PDE1A: variants seen among roughly 807,000 people sequenced by gnomAD.
PDE1A encodes the protein dual specificity calcium/calmodulin-dependent 3',5'-cyclic nucleotide phosphodiesterase 1A.
In PDE1A, 35 loss-of-function variants were observed where a neutral mutation model predicts 61.7. The ratio of observed to expected loss-of-function variants is 0.57; its 90% confidence interval spans 0.43 to 0.75. PDE1A has a LOEUF of 0.75. Among genes scored for constraint, PDE1A ranks in the 30% least tolerant of loss-of-function variants. The probability of loss-of-function intolerance (pLI) is 0.00; values close to 1 mark genes in which losing one functional copy is unlikely to be tolerated. For missense variants in PDE1A, 597 were observed against 630.6 expected, an observed-to-expected ratio of 0.95 and a Z score of 0.57; for synonymous variants, 232 against 213.2, an observed-to-expected ratio of 1.09 and a Z score of -0.77.
At chr2:182,169,940 TCTCC>T (rs1193155007) in intron 13 of PDE1A, among the ~76,000 whole-genome samples, 2,132 of 83,500 alleles carry the variant, frequency 0.026, 31 homozygotes, top group South Asian at 0.1. Flanking sequence ...ACACACACAC[TCTCC>T]CTCTCTCTCT....
At chr2:182,376,848 G>T (rs1036711003) in intron 1 of PDE1A, among the ~76,000 whole-genome samples, 1 of 152,158 alleles carries the variant, frequency 6.6e-6, no homozygotes, top group African/African-American at 2.4e-5. Flanking sequence ...ACATCTTATT[G>T]GATGGCAGCA....
At chr2:182,526,782 A>G (rs1690778948), upstream of PDE1A, among the ~76,000 whole-genome samples, 2 of 152,236 alleles carry the variant, frequency 1.3e-5, no homozygotes, top group South Asian at 4.1e-4. Flanking sequence ...ATTCTTACAG[A>G]TAAATCTAGT....
chr2:182,228,992 T>A (rs908562006), intron 6 of PDE1A, among the ~76,000 whole-genome samples: 52 of 152,284 alleles, frequency 3.4e-4, no homozygotes, highest in African/African-American at 1.2e-3. Context: ...TCCCTAGTCT[T>A]ACAGAGAAGT....
chr2:182,550,827 T>A, the PDE1A span, among the ~76,000 whole-genome samples: 1 of 152,108 alleles, frequency 6.6e-6, no homozygotes, highest in Non-Finnish European at 1.5e-5. Flanking sequence ...GAGTCTCCTG[T>A]TGGATCTTCT....
chr2:182,390,875 A>C (rs1343923194), intron 1 of PDE1A, among the ~76,000 whole-genome samples: 1 of 152,208 alleles, frequency 6.6e-6, no homozygotes, highest in Non-Finnish European at 1.5e-5. Flanking sequence ...TGAGGAGAAC[A>C]ACCATGCACT....
intron 1 of PDE1A, among the ~76,000 whole-genome samples, chr2:182,341,914 C>T (rs1698210056): frequency 6.6e-6 from 1 of 152,080 alleles, no homozygotes; most frequent in African/African-American, 2.4e-5. Context: ...CACGCCACCA[C>T]ACCCAGCTAC....
At chr2:182,580,890 A>G in the PDE1A span, among the ~76,000 whole-genome samples, 37 of 152,186 alleles carry the variant, frequency 2.4e-4, no homozygotes, top group African/African-American at 7.9e-4. Flanking sequence ...ATTATTCCAC[A>G]TAAATTACAT....
intron 3 of PDE1A, among the ~76,000 whole-genome samples, chr2:182,237,919 G>T (rs1432769222): frequency 6.6e-6 from 1 of 152,130 alleles, no homozygotes; most frequent in African/African-American, 2.4e-5. Context: ...AGCAGAAAGG[G>T]ACCTAACCAG....
At chr2:182,605,989 T>C in the PDE1A span, among the ~76,000 whole-genome samples, 1 of 152,188 alleles carries the variant, frequency 6.6e-6, no homozygotes, top group African/African-American at 2.4e-5. Flanking sequence ...TTCAGACTTA[T>C]CTCCTGTGAC....
At chr2:182,444,963 G>A (rs931618124) in intron 2 of PDE1A, among the ~76,000 whole-genome samples, 3 of 152,006 alleles carry the variant, frequency 2.0e-5, no homozygotes, top group Non-Finnish European at 4.4e-5. Context: ...GTTAAACTTG[G>A]CATACTTTGG....
intron 1 of PDE1A, among the ~76,000 whole-genome samples, chr2:182,409,287 C>G (rs1310678623): frequency 6.6e-6 from 1 of 152,144 alleles, no homozygotes; most frequent in African/African-American, 2.4e-5. Flanking sequence ...TCTACCTGAA[C>G]AGAATAATGA....
At chr2:182,414,033 A>G (rs966232511) in intron 1 of PDE1A, among the ~76,000 whole-genome samples, 24 of 152,154 alleles carry the variant, frequency 1.6e-4, no homozygotes, top group African/African-American at 5.5e-4. Flanking sequence ...ATGTAAAGAA[A>G]TGTGAATCGG....
intron 10 of PDE1A, among the ~76,000 whole-genome samples, chr2:182,190,823 G>A (rs965618568): frequency 6.6e-6 from 1 of 152,014 alleles, no homozygotes; most frequent in Non-Finnish European, 1.5e-5. Flanking sequence ...AGGTGTGGTG[G>A]CATGTGCCTG....
the PDE1A span, among the ~76,000 whole-genome samples, chr2:182,590,341 G>A: frequency 1.8e-4 from 27 of 152,136 alleles, no homozygotes; most frequent in East Asian, 5.2e-3. Context: ...GGTGGTGCCC[G>A]CCCATAGTCC....
At chr2:182,227,708 T>C (rs1457254752) in intron 6 of PDE1A, among the ~76,000 whole-genome samples, 1 of 152,058 alleles carries the variant, frequency 6.6e-6, no homozygotes, top group African/African-American at 2.4e-5. Context: ...AGCTAGTGAA[T>C]TAGAAAGTGG....
intron 1 of PDE1A, among the ~76,000 whole-genome samples, chr2:182,266,906 C>T (rs1265731388): frequency 6.6e-6 from 1 of 152,086 alleles, no homozygotes; most frequent in South Asian, 2.1e-4. Flanking sequence ...ATGAAATCGC[C>T]CATCTCTGGA....
chr2:182,632,740 A>G, the PDE1A span, among the ~76,000 whole-genome samples: 3 of 152,232 alleles, frequency 2.0e-5, no homozygotes, highest in Non-Finnish European at 4.4e-5. Flanking sequence ...TTACATTTTG[A>G]AAAGATTATT....
intron 1 of PDE1A, among the ~76,000 whole-genome samples, chr2:182,293,005 A>G (rs1694639318): frequency 6.6e-6 from 1 of 152,148 alleles, no homozygotes; most frequent in Non-Finnish European, 1.5e-5. Flanking sequence ...TAATTTACCT[A>G]CAGTGAAAGG....
intron 2 of PDE1A, among the ~76,000 whole-genome samples, chr2:182,495,505 T>C (rs1455580638): frequency 6.6e-6 from 1 of 152,216 alleles, no homozygotes; most frequent in East Asian, 1.9e-4. Context: ...ATGGGTTTTA[T>C]TTAGTCTTCA....
Sources: gnomAD v4.1 joint callset for allele counts (sites outside exome capture counted in the v4.1 genomes callset) on GRCh38, gnomAD v4.1.1 for gene constraint, MANE v1.5 for transcripts, NCBI Gene and HGNC (gene_info 2026-07-23, HGNC 2026-07-21) for gene names.